Variants in ASTN2 observed in about 807,000 individuals in gnomAD.
ASTN2 encodes astrotactin 2.
In ASTN2, 54 loss-of-function variants were observed where a neutral mutation model predicts 139.8. The observed-to-expected ratio is 0.39, with a 90% confidence interval of 0.31 to 0.48. The LOEUF (loss-of-function observed/expected upper bound fraction) is 0.48. ASTN2 is among the 20% of genes least tolerant of loss of function. ASTN2 has a pLI of 0.95. For missense variants in ASTN2, 1,565 were observed against 1,725.1 expected (o/e 0.91, Z 1.64); for synonymous variants, 756 against 719.5 (o/e 1.05, Z -0.81).
At chr9:117,226,914 C>G (rs1306955018) in intron 2 of ASTN2, among the ~76,000 whole-genome samples, 1 of 152,134 alleles carries the variant, frequency 6.6e-6, no homozygotes, top group Non-Finnish European at 1.5e-5. Flanking sequence ...TAATATTGTG[C>G]CAACCTTAAA....
chr9:117,038,035 G>C (rs537379172), intron 6 of ASTN2, among the ~76,000 whole-genome samples: 87 of 152,284 alleles, frequency 5.7e-4, no homozygotes, highest in African/African-American at 2.0e-3. Context: ...AGAGATATAA[G>C]TTCTGAATGT....
intron 10 of ASTN2, among the ~76,000 whole-genome samples, chr9:116,931,199 C>T (rs886291809): frequency 5.3e-5 from 8 of 152,230 alleles, no homozygotes; most frequent in Admixed American, 1.3e-4. Flanking sequence ...CTTCCTTCTC[C>T]TTGAGCCTTT....
intron 10 of ASTN2, among the ~76,000 whole-genome samples, chr9:116,937,140 G>T (rs764710062): frequency 2.0e-5 from 3 of 152,116 alleles, no homozygotes; most frequent in African/African-American, 7.2e-5. Context: ...TAGAATAATG[G>T]TTCTAGAATG....
At chr9:116,632,154 GAGAC>G (rs1454899588) in intron 17 of ASTN2, among the ~76,000 whole-genome samples, 51 of 65,572 alleles carry the variant, frequency 7.8e-4, no homozygotes, top group South Asian at 8.4e-4. Flanking sequence ...GAGAGAGAGA[GAGAC>G]AGAGAGAGAG....
chr9:116,702,291 C>T (rs1023219993), intron 16 of ASTN2, among the ~76,000 whole-genome samples: 14 of 151,932 alleles, frequency 9.2e-5, no homozygotes, highest in African/African-American at 3.4e-4. Context: ...ACTCTTTTAT[C>T]TAGTTGCTCA....
At chr9:116,529,312 T>C (rs932650733) in intron 19 of ASTN2, among the ~76,000 whole-genome samples, 4 of 152,176 alleles carry the variant, frequency 2.6e-5, no homozygotes, top group African/African-American at 7.2e-5. Flanking sequence ...TAAGATTTAA[T>C]GACTGTCCTG....
At chr9:116,832,264 T>TA (rs1425468369) in intron 11 of ASTN2, among the ~76,000 whole-genome samples, 3 of 152,174 alleles carry the variant, frequency 2.0e-5, no homozygotes, top group African/African-American at 4.8e-5. Flanking sequence ...ATTTTCTATG[T>TA]AAAAAAATCA....
Position 116,960,691 on chromosome 9 carries a change from T to C in ASTN2, c.1889+14517A>G, listed in dbSNP as rs184877274. Among the ~76,000 whole-genome samples, 3 of 152,146 alleles carry C rather than the reference T, an allele frequency of 2.0e-5. No homozygotes were observed. The East Asian group carries it at 5.8e-4, about 29-fold the overall frequency. On this transcript the variant is annotated intron_variant, in intron 10 of 22. Coordinates refer to ENST00000313400, the MANE Select transcript of ASTN2 (RefSeq NM_001365068.1). ...AAATGTTTCCAGCGATTGCCAAATG[T>C]CTTCTGGGGGACAAAATCCCCCTCT...
At chr9:116,897,257 C>T (rs1833900903) in intron 10 of ASTN2, among the ~76,000 whole-genome samples, 1 of 152,198 alleles carries the variant, frequency 6.6e-6, no homozygotes, top group Admixed American at 6.5e-5. Flanking sequence ...CAAGATCAAG[C>T]TCTGTGCTCT....
Position 116,698,812 on chromosome 9 carries a change from T to C in ASTN2, c.2806+26959A>G. ...GCCTCCAATATCCAGCAGTGCCTCT[T>C]TCTCAAGAAGATGGGGGCCAAAGGC... On this transcript the variant is annotated intron_variant, in intron 16 of 22. Transcript: ENST00000313400. The surrounding 1 kb of genome is among the most constrained non-coding windows in gnomAD (Gnocchi z 4.4). 6.2e-7 allele frequency: 1 copy of C among 1,614,202 alleles called. No homozygotes were observed.
intron 1 of ASTN2, among the ~76,000 whole-genome samples, chr9:117,392,791 A>G (rs1830576580): frequency 6.6e-6 from 1 of 152,220 alleles, no homozygotes. Flanking sequence ...AGGCTTTAAG[A>G]AAGAGCTGGT....
intron 19 of ASTN2, among the ~76,000 whole-genome samples, chr9:116,502,960 A>G (rs1478334135): frequency 1.5e-5 from 2 of 133,498 alleles, no homozygotes; most frequent in African/African-American, 2.8e-5. Flanking sequence ...AGGAAGGAGG[A>G]AGAAAAGAAG....
intron 15 of ASTN2, 150 bp from the exon 16 acceptor site, chr9:116,726,100 T>A: frequency 3.1e-6 from 2 of 646,200 alleles, no homozygotes; most frequent in Non-Finnish European, 5.2e-6. Flanking sequence ...TCCAAACATA[T>A]ACATAATTCC....
intron 10 of ASTN2, among the ~76,000 whole-genome samples, chr9:116,907,872 C>T (rs1367670860): frequency 6.6e-6 from 1 of 152,160 alleles, no homozygotes; most frequent in Non-Finnish European, 1.5e-5. Flanking sequence ...TAGTAAGATG[C>T]TGACAGCCTT....
intron 5 of ASTN2, among the ~76,000 whole-genome samples, chr9:117,052,725 C>T (rs979179250): frequency 2.0e-5 from 3 of 152,216 alleles, no homozygotes; most frequent in Admixed American, 6.5e-5. Context: ...GGTTTTTGCA[C>T]CTGTTATTTA....
At chr9:116,815,868 T>A (rs1481232947) in intron 12 of ASTN2, among the ~76,000 whole-genome samples, 1 of 146,258 alleles carries the variant, frequency 6.8e-6, no homozygotes, top group African/African-American at 2.5e-5. Context: ...TAGGAATATA[T>A]GAGAAATAAC....
chr9:116,426,072 G>A lies in ASTN2; in HGVS notation c.3799C>T (p.Leu1267=). The A allele has an allele frequency of 8.1e-6, 13 of 1,613,422 alleles. No individual in the cohort carries two copies. Among genetic ancestry groups the A allele is most frequent in the Non-Finnish European group, 1.0e-5 (12 of 1,180,030 alleles). Residue 1267 remains leucine, a synonymous_variant, in exon 23 of 23, where the codon CTA becomes TTA. Transcript: ENST00000313400. ...CTACTCACCCTCTCCAGTCGCCGTAGAATCAGGTGGGCCTTCCTGAAAGGT... is the reference window on the plus strand; with the variant it reads ...CTACTCACCCTCTCCAGTCGCCGTAAAATCAGGTGGGCCTTCCTGAAAGGT... ...ELGPRKAHLI[L]RRLERVSSHC...
At chr9:116,657,064 C>A (rs1034813148) in intron 16 of ASTN2, among the ~76,000 whole-genome samples, 2 of 152,156 alleles carry the variant, frequency 1.3e-5, no homozygotes, top group African/African-American at 4.8e-5. Context: ...GAAATTGGAT[C>A]ATTTCTTAGG....
At chr9:116,724,421 T>C (rs1828560110) in intron 16 of ASTN2, among the ~76,000 whole-genome samples, 1 of 152,104 alleles carries the variant, frequency 6.6e-6, no homozygotes, top group African/African-American at 2.4e-5. Flanking sequence ...CGACTGGGGA[T>C]GCAAAGCCCC....
Sources: allele counts gnomAD v4.1 joint callset (sites outside exome capture counted in the v4.1 genomes callset), GRCh38; gene constraint gnomAD v4.1.1; non-coding constraint Gnocchi (gnomAD v3.1); transcripts MANE v1.5; gene names NCBI Gene and HGNC (gene_info 2026-07-23, HGNC 2026-07-21).